The following FAM76B variants were observed in gnomAD, a reference collection of about 807,000 sequenced individuals.
The protein encoded by FAM76B is family with sequence similarity 76 member B, also known as protein FAM76B.
A neutral mutation model predicts 51.8 loss-of-function variants in FAM76B; 16 were observed. The ratio of observed to expected loss-of-function variants is 0.31; its 90% confidence interval spans 0.21 to 0.47. The LOEUF is 0.47. FAM76B is among the 20% of genes least tolerant of loss of function. FAM76B has a pLI of 1.00. For synonymous variants in FAM76B, 166 were observed against 129.5 expected (o/e 1.28, Z -1.91); for missense variants, 342 against 392.6 (o/e 0.87, Z 1.09).
chr11:95,789,266 G>A (rs1238265217), intron 1 of FAM76B, 126 bp downstream of exon 1: 4 of 1,090,742 alleles, frequency 3.7e-6, no homozygotes, highest in Non-Finnish European at 5.3e-6. Context: ...GAGTGGGGAG[G>A]CGAGGGCTCC....
chr11:95,776,008 C>A lies in FAM76B; in HGVS notation c.844G>T (p.Ala282Ser). The change falls in exon 9 of 10, where the codon GCA becomes TCA. Residue 282 changes from alanine (A) to serine (S), a missense_variant. Transcript: ENST00000358780. ...TTTGACTCTTGGTACTGAAAGTCTG[C>A]CTTTAGTTCAGTTAACTGAGAGATT... ...EKDKKLTELK[A>S]DFQYQESNLR... 2 of 1,580,212 alleles carry A rather than the reference C, an allele frequency of 1.3e-6. No individual in the cohort carries two copies. The highest frequency in any genetic ancestry group is 2.3e-5 in the East Asian group (1 of 43,278).
chr11:95,786,371 A>T, intron 3 of FAM76B, 97 bp from the exon 4 acceptor site: 1 of 1,408,656 alleles, frequency 7.1e-7, no homozygotes, highest in Non-Finnish European at 9.4e-7. Context: ...AATTAAGAAA[A>T]CTCAGGTAAA....
Position 95,787,612 on chromosome 11 carries a change from A to C in FAM76B, c.207+12T>G. 6.2e-7 allele frequency: 1 copy of C among 1,608,228 alleles called. No homozygotes were observed. Among genetic ancestry groups the C allele is most frequent in the South Asian group, 1.1e-5 (1 of 90,244 alleles). On this transcript the variant is annotated intron_variant, in intron 3 of 9. Coordinates refer to ENST00000358780, the MANE Select transcript of FAM76B (RefSeq NM_144664.5). ...CTGGTAACAATGACATGAAAACATA[A>C]GACATACTTACCGTCCCAAATTGCT...
Position 95,769,629 on chromosome 11 carries a change from A to T in FAM76B, c.*1932T>A, listed in dbSNP as rs892368808. On this transcript the variant is annotated 3_prime_UTR_variant, in exon 10 of 10. Coordinates refer to ENST00000358780, the MANE Select transcript of FAM76B (RefSeq NM_144664.5). ...AGTAAAACCATAATGACCACTGTGG[A>T]CTGACAAATGGCTATGAAACAAGAA... The T allele has an allele frequency of 3.3e-5, 5 of 151,772 alleles. No individual in the cohort carries two copies. Among genetic ancestry groups the T allele is most frequent in the Admixed American group, 6.6e-5 (1 of 15,182 alleles). The allele number at this position is 151,772 out of a possible 1,614,324, so 9.4% of individuals were successfully genotyped here.
rs970937497 is a variant in FAM76B, at chr11:95,782,922, C to G, written c.563+143G>C. 27 of 1,001,726 alleles carry G rather than the reference C, an allele frequency of 2.7e-5. 1 individual carries two copies. Among genetic ancestry groups the G allele is most frequent in the Middle Eastern group, 3.3e-4 (1 of 3,038 alleles). 62.1% of individuals were successfully genotyped at this position (1,001,726 alleles called of 1,614,324 possible). On this transcript the variant is annotated intron_variant, in intron 5 of 9. Coordinates refer to ENST00000358780, the MANE Select transcript of FAM76B (RefSeq NM_144664.5). ...CATTCTACACTGAATAAAATGGAGA[C>G]ACAGCCTTAGACACTCAAGATGCTT...
In FAM76B at chr11:95,770,229, C is replaced by A. The variant is rs1859708990; in HGVS notation, c.*1332G>T. 1 of 151,762 alleles carries A rather than the reference C, an allele frequency of 6.6e-6. No homozygotes were observed. The highest frequency in any genetic ancestry group is 1.5e-5 in the Non-Finnish European group (1 of 67,510). 9.4% of individuals were successfully genotyped at this position (151,762 alleles called of 1,614,324 possible). A position where few individuals can be genotyped will look rare whatever the true frequency, so the allele number is the denominator to read the frequency against. ...GAAAACCGCTGGATCAGAATATAGT[C>A]AATAACTTCATATAACCTATCCCAC... On this transcript the variant is annotated 3_prime_UTR_variant, in exon 10 of 10. Coordinates refer to ENST00000358780, the MANE Select transcript of FAM76B (RefSeq NM_144664.5).
rs371143746 is a variant in FAM76B at position 95,789,629 on chromosome 11, G to A, written c.-151C>T. 8 of 587,966 alleles carry A rather than the reference G, an allele frequency of 1.4e-5. No homozygotes were observed. Among genetic ancestry groups the A allele is most frequent in the Middle Eastern group, 4.6e-4 (1 of 2,184 alleles). The allele number at this position is 587,966 out of a possible 1,614,324, so 36.4% of individuals were successfully genotyped here. A position where few individuals can be genotyped will look rare whatever the true frequency, so the allele number is the denominator to read the frequency against. ...CAGGGCCTCGCCGCGAGAGCCCAGG[G>A]CCCCGCGGACGACGCCACCGTCTCC... On this transcript the variant is annotated 5_prime_UTR_variant, in exon 1 of 10. Transcript: ENST00000358780.
chr11:95,774,438 G>A (rs895712405), intron 9 of FAM76B, among the ~76,000 whole-genome samples: 15 of 151,446 alleles, frequency 9.9e-5, no homozygotes, highest in Admixed American at 2.0e-4. Context: ...TTGCAACTAT[G>A]ATTTTAAAAA....
At chr11:95,781,289 G>C (rs143948540) in intron 5 of FAM76B, among the ~76,000 whole-genome samples, 1 of 151,938 alleles carries the variant, frequency 6.6e-6, no homozygotes, top group African/African-American at 2.4e-5. Context: ...TACCCCTGCC[G>C]ATCACTATCT....
At chr11:95,785,368 A>G (rs541797622) in intron 4 of FAM76B, among the ~76,000 whole-genome samples, 1 of 152,356 alleles carries the variant, frequency 6.6e-6, no homozygotes, top group South Asian at 2.1e-4. Flanking sequence ...ACTACCACAA[A>G]TAATGAGAAT....
chr11:95,781,080 C>T (rs3133083), intron 5 of FAM76B, among the ~76,000 whole-genome samples: 149,367 of 150,218 alleles, frequency 0.99, 74,258 homozygotes, highest in Middle Eastern at 1. Context: ...GCAGTTGTCC[C>T]TTTTTTTTTT....
intron 9 of FAM76B, among the ~76,000 whole-genome samples, chr11:95,774,902 G>A (rs565360374): frequency 4.0e-5 from 6 of 150,968 alleles, no homozygotes; most frequent in African/African-American, 1.5e-4. Flanking sequence ...TCGAATTTGA[G>A]CAAGTTCCTA....
At chr11:95,787,812 CAAGGAT>C (rs1860683437) in intron 2 of FAM76B, 134 bp from the exon 3 acceptor site, 1 of 693,288 alleles carries the variant, frequency 1.4e-6, no homozygotes, top group Non-Finnish European at 2.4e-6. Flanking sequence ...TTCAAATATA[CAAGGAT>C]ATTTTCAGAG....
At chr11:95,776,996 CT>C (rs998990728) in intron 8 of FAM76B, among the ~76,000 whole-genome samples, 5 of 151,130 alleles carry the variant, frequency 3.3e-5, no homozygotes, top group African/African-American at 9.7e-5. Context: ...CTAACTTTCT[CT>C]AATCACAAAA....
At chr11:95,789,207 C>T in intron 1 of FAM76B, 185 bp downstream of exon 1, 1 of 961,956 alleles carries the variant, frequency 1.0e-6, no homozygotes, top group Non-Finnish European at 1.5e-6. Context: ...GCCTCCCTTT[C>T]AGGGTCCGTT....
chr11:95,780,293 A>C (rs972923057), intron 5 of FAM76B, among the ~76,000 whole-genome samples: 1 of 151,912 alleles, frequency 6.6e-6, no homozygotes, highest in Admixed American at 6.6e-5. Context: ...CTTTAAAGTT[A>C]AGGCTTTCCT....
At position 95,775,994 on chromosome 11, in the gene FAM76B, G is replaced by T; in HGVS notation, c.858C>A (p.Tyr286Ter). Residue 286 changes from tyrosine (Y) to a stop codon, truncating the protein, a stop_gained, in exon 9 of 10, where the codon TAC (tyrosine) becomes TAA (stop). Coordinates refer to ENST00000358780, the MANE Select transcript of FAM76B (RefSeq NM_144664.5). LOFTEE classifies it high-confidence loss of function. Reference protein sequence around the residue: ...KLTELKADFQYQESNLRTKMN... With the variant: ...KLTELKADFQ The stretch of plus-strand genomic sequence containing the variant: ...TTTTTGTTCTCAAATTTGACTCTTG[G>T]TACTGAAAGTCTGCCTTTAGTTCAG... The T allele has an allele frequency of 6.3e-7, 1 of 1,585,874 alleles. No homozygotes were observed. Among genetic ancestry groups the T allele is most frequent in the South Asian group, 1.1e-5 (1 of 87,216 alleles).
At chr11:95,771,710 A>G in intron 9 of FAM76B, 60 bp from the exon 10 acceptor site, 1 of 1,292,990 alleles carries the variant, frequency 7.7e-7, no homozygotes, top group Non-Finnish European at 1.1e-6. Context: ...AGTCATGCTG[A>G]AGAATACTAC....
At chr11:95,780,117 ATGAC>A (rs1250479876) in intron 5 of FAM76B, among the ~76,000 whole-genome samples, 191 bp from the exon 6 acceptor site, 1 of 151,892 alleles carries the variant, frequency 6.6e-6, no homozygotes, top group Admixed American at 6.6e-5. Context: ...TTTTAATAAA[ATGAC>A]TGCTAACCAT....
Sources: allele counts gnomAD v4.1 joint callset (sites outside exome capture counted in the v4.1 genomes callset), GRCh38; gene constraint gnomAD v4.1.1; transcripts MANE v1.5; gene names NCBI Gene and HGNC (gene_info 2026-07-23, HGNC 2026-07-21).